Variants in DGKD observed in about 807,000 individuals in gnomAD.
The protein encoded by DGKD is DAG kinase delta.
Under a neutral mutation model 154.4 loss-of-function variants are expected in DGKD, and 68 were observed. The observed-to-expected ratio is 0.44, with a 90% CI of 0.36 to 0.54. DGKD has a LOEUF of 0.54. DGKD is among the 20% of genes least tolerant of loss of function. The pLI is 0.00. For missense variants in DGKD, 1,343 were observed against 1,593.6 expected (o/e 0.84, Z 2.68); for synonymous variants, 693 against 638.0 (o/e 1.09, Z -1.30).
intron 5 of DGKD, 79 bp from the exon 6 acceptor site, chr2:233,435,739 G>A (rs1178442389): frequency 4.6e-5 from 61 of 1,340,424 alleles, no homozygotes; most frequent in Non-Finnish European, 5.7e-5. Context: ...GGAGCTGGAC[G>A]GTTCTCACAA....
At chr2:233,404,951 G>T (rs1386953946) in intron 3 of DGKD, among the ~76,000 whole-genome samples, 2 of 152,100 alleles carry the variant, frequency 1.3e-5, no homozygotes, top group Admixed American at 6.5e-5. Flanking sequence ...GAACCAGCTT[G>T]GAAAGAAGAC....
chr2:233,436,739 A>G (rs1183183043), intron 7 of DGKD, among the ~76,000 whole-genome samples: 2 of 152,258 alleles, frequency 1.3e-5, no homozygotes, highest in Non-Finnish European at 2.9e-5. Context: ...ACCTGGGACA[A>G]TTGAGCTGGC....
rs1352340795 is a variant in DGKD, at chr2:233,354,879, G to C, written c.156+205G>C. Reference sequence around the variant, plus strand: ...GAGCGCGCGGCCCCCGACGGACGGCGGGCGGCTGTGGGGCCGGGCGGGGGG... The same window carrying C: ...GAGCGCGCGGCCCCCGACGGACGGCCGGCGGCTGTGGGGCCGGGCGGGGGG... On this transcript the variant is annotated intron_variant, in intron 1 of 29. Transcript: ENST00000264057. This position sits in a 1 kb window ranked among gnomAD's most constrained non-coding sequence, Gnocchi z 4.8. Among the ~76,000 whole-genome samples, 1 of 145,186 alleles carries C rather than the reference G, an allele frequency of 6.9e-6. No homozygotes were observed. Among genetic ancestry groups the C allele is most frequent in the African/African-American group, 2.5e-5 (1 of 40,528 alleles).
intron 3 of DGKD, among the ~76,000 whole-genome samples, chr2:233,402,263 C>T (rs541067743): frequency 2.0e-5 from 3 of 152,328 alleles, no homozygotes; most frequent in East Asian, 1.9e-4. Flanking sequence ...GAACTTTCCC[C>T]AGAAGTTTGC....
rs765485834 is a variant in DGKD, at chr2:233,450,943, A to C, written c.2060A>C (p.Lys687Thr). 1 of 1,605,642 alleles carries C rather than the reference A, an allele frequency of 6.2e-7. No homozygotes were observed. The highest frequency in any genetic ancestry group is 8.5e-7 in the Non-Finnish European group (1 of 1,172,894). The change falls in exon 17 of 30, where the codon AAG becomes ACG. Residue 687 changes from lysine (K) to threonine (T), a missense_variant. Around this residue, in one of 6 missense-constraint regions of DGKD, gnomAD observed 409 missense variants for 446.0 expected, o/e 0.92. Coordinates refer to ENST00000264057, the MANE Select transcript of DGKD (RefSeq NM_152879.3). The part of the protein sequence containing the change: ...QRKVSKSPCE[K>T]LISKGSLSLG... The stretch of plus-strand genomic sequence containing the variant: ...ACAGTGTCGAAATCTCCGTGTGAAA[A>C]GCTGATCAGCAAAGGGAGTCTGTCC...
At chr2:233,390,134 C>A (rs1406182545) in intron 2 of DGKD, among the ~76,000 whole-genome samples, 1 of 152,198 alleles carries the variant, frequency 6.6e-6, no homozygotes, top group Non-Finnish European at 1.5e-5. Flanking sequence ...TTGGTTCTCT[C>A]TCTTTCTTCC....
intron 3 of DGKD, among the ~76,000 whole-genome samples, chr2:233,404,512 A>G (rs13414407): frequency 0.098 from 14,902 of 152,166 alleles, 796 homozygotes; most frequent in African/African-American, 0.15. Flanking sequence ...TTGAGAAGAC[A>G]AAACTTCCTC....
chr2:233,424,065 G>A (rs1181459613), intron 3 of DGKD, among the ~76,000 whole-genome samples: 1 of 152,144 alleles, frequency 6.6e-6, no homozygotes, highest in Non-Finnish European at 1.5e-5. Context: ...CGTGAAAAGT[G>A]AAGAGGGGGT....
At chr2:233,455,125 G>A (rs1007705982) in intron 19 of DGKD, among the ~76,000 whole-genome samples, 3 of 152,196 alleles carry the variant, frequency 2.0e-5, no homozygotes, top group East Asian at 1.9e-4. Flanking sequence ...TTGGAATGGC[G>A]GCATCTCTTA....
At chr2:233,369,244 T>C (rs1363581897) in intron 1 of DGKD, among the ~76,000 whole-genome samples, 1 of 152,194 alleles carries the variant, frequency 6.6e-6, no homozygotes, top group East Asian at 1.9e-4. Flanking sequence ...CCATCAGCAT[T>C]CTGGGGGCCT....
At chr2:233,430,164 A>AT (rs1273741839) in intron 3 of DGKD, among the ~76,000 whole-genome samples, 1 of 152,244 alleles carries the variant, frequency 6.6e-6, no homozygotes, top group Non-Finnish European at 1.5e-5. Context: ...TGTGGGAATA[A>AT]TTTGGCAATA....
At chr2:233,411,335 C>T (rs2061825742) in intron 3 of DGKD, among the ~76,000 whole-genome samples, 1 of 152,162 alleles carries the variant, frequency 6.6e-6, no homozygotes, top group Admixed American at 6.5e-5. Flanking sequence ...CCAGTTGCTC[C>T]ACATCCTCAC....
rs779409379 is a variant in DGKD at position 233,449,202 on chromosome 2, G to A, written c.1714G>A (p.Glu572Lys). The A allele has an allele frequency of 5.0e-6, 8 of 1,613,608 alleles. No homozygotes were observed. Among genetic ancestry groups the A allele is most frequent in the Admixed American group, 1.7e-5 (1 of 60,008 alleles). Reference protein sequence around the residue: ...SLPNPPPTIAEEAEDGDGSGS... With the variant: ...SLPNPPPTIAKEAEDGDGSGS... The stretch of plus-strand genomic sequence containing the variant: ...GCCCAACCCGCCCCCCACCATTGCC[G>A]AGGAGGCTGAAGATGGAGATGGGTC... Residue 572 changes from glutamate to lysine, a missense_variant, in exon 15 of 30, where the codon GAG (glutamate) becomes AAG (lysine). By Grantham distance (56) the Glu-to-Lys change is moderately conservative. This residue lies in a region of DGKD where 409 missense variants were observed against 446.0 expected (regional missense o/e 0.92). Transcript: ENST00000264057. This position sits in a 1 kb window ranked among gnomAD's most constrained non-coding sequence, Gnocchi z 5.3.
intron 2 of DGKD, among the ~76,000 whole-genome samples, chr2:233,389,183 C>G (rs1237243588): frequency 6.6e-6 from 1 of 152,228 alleles, no homozygotes; most frequent in Non-Finnish European, 1.5e-5. Context: ...AGGAGCTGAG[C>G]TTCTTGATGT....
chr2:233,395,832 C>G (rs1337432504), intron 3 of DGKD, among the ~76,000 whole-genome samples: 3 of 152,030 alleles, frequency 2.0e-5, no homozygotes, highest in Admixed American at 6.6e-5. Context: ...CCATGCCTGG[C>G]CAAGTTCACA....
intron 3 of DGKD, among the ~76,000 whole-genome samples, chr2:233,394,060 A>G (rs1463497667): frequency 1.3e-5 from 2 of 152,172 alleles, no homozygotes; most frequent in Non-Finnish European, 2.9e-5. Flanking sequence ...TTGAGCTTCC[A>G]TAGGCTGTTA....
intron 3 of DGKD, among the ~76,000 whole-genome samples, chr2:233,404,549 C>G (rs2061635481): frequency 6.6e-6 from 1 of 152,114 alleles, no homozygotes; most frequent in Non-Finnish European, 1.5e-5. Flanking sequence ...TAGTTTGGTT[C>G]TGGTTTACAG....
chr2:233,375,807 GT>G lies in DGKD; in HGVS notation c.157-12447del, dbSNP rs1266195913. On this transcript the variant is annotated intron_variant, in intron 1 of 29. Transcript: ENST00000264057. The stretch of plus-strand genomic sequence containing the variant: ...AATCACATCAGCCTGTGTCTTTCTT[GT>G]TTCATCTGTCTCCACCCCCTACCCA... 1.3e-5 allele frequency among the ~76,000 whole-genome samples: 2 copies of G among 152,112 alleles called. 1 individual carries two copies. The highest frequency in any genetic ancestry group is 2.9e-5 in the Non-Finnish European group (2 of 68,024).
At chr2:233,450,785 A>C in intron 16 of DGKD, 137 bp from the exon 17 acceptor site, 2 of 1,117,736 alleles carry the variant, frequency 1.8e-6, no homozygotes, top group South Asian at 3.1e-5. Context: ...TCTTTGTCCC[A>C]CACACTTCAC....
Sources: gnomAD v4.1 joint callset for allele counts (sites outside exome capture counted in the v4.1 genomes callset) on GRCh38, gnomAD v4.1.1 for gene constraint, gnomAD v4.1.1 regional missense constraint, Gnocchi (gnomAD v3.1) non-coding constraint, MANE v1.5 for transcripts, NCBI Gene and HGNC (gene_info 2026-07-23, HGNC 2026-07-21) for gene names.